Variants in CNBD1 observed in about 807,000 individuals in gnomAD.
CNBD1 encodes the protein cyclic nucleotide binding domain containing 1, also known as cyclic nucleotide-binding domain-containing protein 1.
Under a neutral mutation model 54.4 loss-of-function variants are expected in CNBD1, and 71 were observed. The observed-to-expected ratio is 1.30, with a 90% CI of 1.08 to 1.59. The LOEUF (loss-of-function observed/expected upper bound fraction) is 1.59, where lower values mean the gene tolerates loss of function less well. CNBD1 is among the 40% of genes most tolerant of loss of function. The probability of loss-of-function intolerance (pLI) is 0.00; values close to 1 mark genes in which losing one functional copy is unlikely to be tolerated. For missense variants in CNBD1, 659 were observed against 518.0 expected, an observed-to-expected ratio of 1.27 and a Z score of -2.64; for synonymous variants, 182 against 170.7, an observed-to-expected ratio of 1.07 and a Z score of -0.51.
intron 2 of CNBD1, among the ~76,000 whole-genome samples, chr8:87,395,981 G>T (rs1166056432): frequency 6.6e-6 from 1 of 151,868 alleles, no homozygotes; most frequent in Non-Finnish European, 1.5e-5. Context: ...ATAATTGTAA[G>T]TTTCCTGAGG....
rs146037653 is a variant in CNBD1 at position 87,188,674 on chromosome 8, C to T, written c.432-17319C>T. Among the ~76,000 whole-genome samples, 743 of 150,346 alleles carry T rather than the reference C, an allele frequency of 4.9e-3. 6 individuals carry two copies. Among genetic ancestry groups the T allele is most frequent in the African/African-American group, 0.017 (711 of 40,774 alleles). On this transcript the variant is annotated intron_variant, in intron 4 of 10. Coordinates refer to ENST00000518476, the MANE Select transcript of CNBD1 (RefSeq NM_173538.3). Reference sequence around the variant, plus strand: ...TAGGGAGGTGGAGGTTGCAGTGAGCCGAGATTATGCCACTACAAGATCACG... The same window carrying T: ...TAGGGAGGTGGAGGTTGCAGTGAGCTGAGATTATGCCACTACAAGATCACG...
intron 6 of CNBD1, among the ~76,000 whole-genome samples, chr8:87,282,507 G>A (rs952022435): frequency 2.0e-5 from 3 of 151,398 alleles, no homozygotes; most frequent in Non-Finnish European, 4.4e-5. Context: ...AGAATTCTGG[G>A]TTGAATGTTA....
At position 87,031,711 on chromosome 8, in the gene CNBD1, A is replaced by G. The variant is rs1043378691; in HGVS notation, c.431+91957A>G. 3.3e-5 allele frequency among the ~76,000 whole-genome samples: 5 copies of G among 152,218 alleles called. No homozygotes were observed. In the East Asian group the frequency reaches 9.7e-4, roughly 30 times the overall value. ...ATTCCTCCATTAGTATTGACATCCA[A>G]TTAGTCACTAAACCCTTCCTTTACG... On this transcript the variant is annotated intron_variant, in intron 4 of 10. Coordinates refer to ENST00000518476, the MANE Select transcript of CNBD1 (RefSeq NM_173538.3).
chr8:87,266,715 G>A (rs1808266547), intron 6 of CNBD1, among the ~76,000 whole-genome samples: 1 of 151,924 alleles, frequency 6.6e-6, no homozygotes, highest in African/African-American at 2.4e-5. Flanking sequence ...GTCTCCCAAA[G>A]TGCTGGGATT....
At position 87,255,972 on chromosome 8, in the gene CNBD1, AATATATATATATATATATAT is replaced by A. The variant is rs1164599078; in HGVS notation, c.771+18885_771+18904del. On this transcript the variant is annotated intron_variant, in intron 6 of 10. Transcript: ENST00000518476. The stretch of plus-strand genomic sequence containing the variant: ...AATACTCATATGATTTGCAGCTACA[AATATATATATATATATATAT>A]ATATATATATATATATATATATATT... Among the ~76,000 whole-genome samples, 77 of 16,938 alleles carry A rather than the reference AATATATATATATATATATAT, an allele frequency of 4.5e-3. 1 individual carries two copies. The highest frequency in any genetic ancestry group is 0.012 in the African/African-American group (57 of 4,708). 11.1% of individuals were successfully genotyped at this position (16,938 alleles called of 152,430 possible).
At chr8:87,248,749 TG>T (rs1174331046) in intron 6 of CNBD1, among the ~76,000 whole-genome samples, 2 of 152,186 alleles carry the variant, frequency 1.3e-5, no homozygotes, top group African/African-American at 4.8e-5. Flanking sequence ...GTCCCCTCAT[TG>T]GGTCTTTCCC....
At chr8:87,348,061 A>AT (rs933722601) in intron 8 of CNBD1, among the ~76,000 whole-genome samples, 1 of 152,058 alleles carries the variant, frequency 6.6e-6, no homozygotes, top group Non-Finnish European at 1.5e-5. Flanking sequence ...GTGTACATTT[A>AT]TTTTTTTCTT....
chr8:86,967,101 G>A (rs922695669), intron 4 of CNBD1, among the ~76,000 whole-genome samples: 6 of 152,266 alleles, frequency 3.9e-5, no homozygotes, highest in African/African-American at 1.4e-4. Flanking sequence ...AAGCCCACCC[G>A]GCTTCACCTC....
intron 1 of CNBD1, among the ~76,000 whole-genome samples, chr8:86,887,267 T>TG (rs1429708009): frequency 6.6e-6 from 1 of 152,046 alleles, no homozygotes; most frequent in Non-Finnish European, 1.5e-5. Context: ...TTAAGAGAAG[T>TG]GACATTATAT....
intron 4 of CNBD1, among the ~76,000 whole-genome samples, chr8:87,057,553 CA>C (rs1237916198): frequency 6.6e-6 from 1 of 152,176 alleles, no homozygotes; most frequent in Non-Finnish European, 1.5e-5. Flanking sequence ...CCTCACATTT[CA>C]AAACACAATC....
chr8:87,396,809 C>T (rs371758136), intron 2 of CNBD1, among the ~76,000 whole-genome samples: 9 of 151,194 alleles, frequency 6.0e-5, no homozygotes, highest in Non-Finnish European at 1.0e-4. Flanking sequence ...ACCACCCCCT[C>T]GCTTAAAGTA....
intron 10 of CNBD1, among the ~76,000 whole-genome samples, chr8:87,358,662 A>T (rs572346807): frequency 2.2e-4 from 33 of 152,296 alleles, no homozygotes; most frequent in Non-Finnish European, 3.1e-4. Flanking sequence ...AAGTCCCATG[A>T]TATGCTTTCA....
intron 4 of CNBD1, among the ~76,000 whole-genome samples, chr8:86,953,258 G>A (rs1386929838): frequency 1.3e-5 from 2 of 152,126 alleles, no homozygotes; most frequent in Admixed American, 6.5e-5. Flanking sequence ...TAATAATTGG[G>A]TAGGAAAAAC....
Position 87,399,040 on chromosome 8 carries a change from A to G in CNBD1, c.214-29506A>G, listed in dbSNP as rs191443113. 4.6e-5 allele frequency among the ~76,000 whole-genome samples: 7 copies of G among 152,178 alleles called. No homozygotes were observed. The East Asian group carries it at 1.4e-3, about 30-fold the overall frequency. On this transcript the variant is annotated intron_variant, in intron 2 of 7. Coordinates refer to the CNBD1 transcript ENST00000521593. ...TCCCTACCCCACGCAACTCCTAGAGATTAAAGATGCAAAAAGAAAACTACT... is the reference window on the plus strand; with the variant it reads ...TCCCTACCCCACGCAACTCCTAGAGGTTAAAGATGCAAAAAGAAAACTACT...
chr8:87,279,580 T>A (rs1264913388), intron 6 of CNBD1, among the ~76,000 whole-genome samples: 1 of 151,370 alleles, frequency 6.6e-6, no homozygotes, highest in East Asian at 1.9e-4. Flanking sequence ...TGTACTATAG[T>A]AGGCAAAGTA....
intron 3 of CNBD1, among the ~76,000 whole-genome samples, chr8:86,906,751 T>G (rs911140575): frequency 6.6e-6 from 1 of 152,206 alleles, no homozygotes; most frequent in African/African-American, 2.4e-5. Flanking sequence ...CTTCTTTAGT[T>G]AAGACATTAA....
At chr8:86,938,239 C>T (rs149158985) in intron 3 of CNBD1, among the ~76,000 whole-genome samples, 1 of 152,110 alleles carries the variant, frequency 6.6e-6, no homozygotes, top group East Asian at 1.9e-4. Flanking sequence ...ACTTTTTTGC[C>T]CATATCACTA....
intron 8 of CNBD1, among the ~76,000 whole-genome samples, chr8:87,323,246 C>T (rs1002380231): frequency 9.2e-6 from 1 of 108,218 alleles, no homozygotes; most frequent in South Asian, 2.9e-4. Context: ...TGTGATGCCT[C>T]CAGCTTTGTT....
intron 5 of CNBD1, among the ~76,000 whole-genome samples, chr8:87,221,235 G>C (rs1013363538): frequency 1.3e-5 from 2 of 152,036 alleles, no homozygotes; most frequent in Non-Finnish European, 2.9e-5. Flanking sequence ...AATTAGCACT[G>C]TTTTTATTCT....
Sources: allele counts gnomAD v4.1 joint callset (sites outside exome capture counted in the v4.1 genomes callset), GRCh38; gene constraint gnomAD v4.1.1; transcripts MANE v1.5; gene names NCBI Gene and HGNC (gene_info 2026-07-23, HGNC 2026-07-21).